Variants in NOVA2 observed in about 807,000 individuals in gnomAD.
The protein encoded by NOVA2 is NOVA alternative splicing regulator 2, also known as RNA-binding protein Nova-2.
NOVA2 carries 9 observed loss-of-function variants against 22.5 expected under a neutral mutation model. The ratio of observed to expected loss-of-function variants is 0.40; its 90% CI spans 0.24 to 0.70. The LOEUF is 0.70. Ranked by LOEUF, NOVA2 falls within the 30% of genes least tolerant of loss-of-function variation. The probability of loss-of-function intolerance (pLI) is 0.38; values close to 1 mark genes in which losing one functional copy is unlikely to be tolerated. For missense variants in NOVA2, 383 were observed against 682.8 expected, an observed-to-expected ratio of 0.56 and a Z score of 4.89; for synonymous variants, 318 against 335.2, an observed-to-expected ratio of 0.95 and a Z score of 0.56.
rs72490671 is a variant in NOVA2 at position 45,954,735 on chromosome 19, TGA to T, written c.230-791_230-790del. Among the ~76,000 whole-genome samples, 1,245 of 145,712 alleles carry T rather than the reference TGA, an allele frequency of 8.5e-3. 15 individuals carry two copies. The highest frequency in any genetic ancestry group is 0.031 in the African/African-American group (1,202 of 38,940). The stretch of plus-strand genomic sequence containing the variant: ...CCTGGGCATCCTTCTCATTTCTGCA[TGA>T]GAGTGTTAGGGAGTGGGGGCACGGG... On this transcript the variant is annotated intron_variant, in intron 2 of 3. Coordinates refer to ENST00000263257, the MANE Select transcript of NOVA2 (RefSeq NM_002516.4).
chr19:45,960,612 T>A (rs750710393), intron 2 of NOVA2, among the ~76,000 whole-genome samples: 1 of 141,490 alleles, frequency 7.1e-6, no homozygotes, highest in Non-Finnish European at 1.5e-5. Context: ...CAAGAGGGGG[T>A]GACAGAATTC....
intron 1 of NOVA2, among the ~76,000 whole-genome samples, chr19:45,961,405 C>T (rs989717239): frequency 3.3e-5 from 5 of 151,940 alleles, no homozygotes; most frequent in African/African-American, 4.8e-5. Flanking sequence ...CAAATAAGGC[C>T]GAAAGAGTTT....
rs1000348891 is a variant in NOVA2 at position 45,939,795 on chromosome 19, G to A, written c.*68C>T. ...ACACCAAGCTGAGGTCAGGAGTTGG[G>A]GGGGAGGAGGAGAGGGAAGAGGAGG... On this transcript the variant is annotated 3_prime_UTR_variant, in exon 4 of 4. Coordinates refer to ENST00000263257, the MANE Select transcript of NOVA2 (RefSeq NM_002516.4). 20 of 1,584,334 alleles carry A rather than the reference G, an allele frequency of 1.3e-5. 1 individual carries two copies. The highest frequency in any genetic ancestry group is 1.7e-4 in the Middle Eastern group (1 of 5,874).
In NOVA2 at chr19:45,934,695, T is replaced by A. The variant is rs1478365169; in HGVS notation, c.*5168A>T. On this transcript the variant is annotated 3_prime_UTR_variant, in exon 4 of 4. Transcript: ENST00000263257. ...CTATTTACAATGAAGGCGTGGGGAG[T>A]GTGTGGGGGGCACACGAAGGAGGGG... 6.6e-6 allele frequency: 1 copy of A among 151,672 alleles called. No homozygotes were observed. Among genetic ancestry groups the A allele is most frequent in the Non-Finnish European group, 1.5e-5 (1 of 67,968 alleles). The allele number at this position is 151,672 out of a possible 1,614,324, so 9.4% of individuals were successfully genotyped here.
At position 45,948,677 on chromosome 19, in the gene NOVA2, C is replaced by G. The variant is rs371848222; in HGVS notation, c.396+5103G>C. 4.6e-5 allele frequency among the ~76,000 whole-genome samples: 7 copies of G among 151,604 alleles called. No individual in the cohort carries two copies. In the East Asian group the frequency reaches 1.2e-3, roughly 25 times the overall value. ...GTCATTGTTATCCCCATGGATGGAGCTGGATTTAAATCCCACATCTGCGGT... is the reference window on the plus strand; with the variant it reads ...GTCATTGTTATCCCCATGGATGGAGGTGGATTTAAATCCCACATCTGCGGT... On this transcript the variant is annotated intron_variant, in intron 3 of 3. Coordinates refer to ENST00000263257, the MANE Select transcript of NOVA2 (RefSeq NM_002516.4).
At chr19:45,966,802 G>A (rs912545844) in intron 1 of NOVA2, among the ~76,000 whole-genome samples, 1 of 152,080 alleles carries the variant, frequency 6.6e-6, no homozygotes, top group East Asian at 1.9e-4. Flanking sequence ...GCTTGAACCC[G>A]GGAGGCGGAG....
chr19:45,939,669 C>G lies in NOVA2; in HGVS notation c.*194G>C. The stretch of plus-strand genomic sequence containing the variant: ...CAGTTCCGGGCTGGGGAGGGGGCTT[C>G]TGAGCCCCCTTCCCAACCGTCACTC... On this transcript the variant is annotated 3_prime_UTR_variant, in exon 4 of 4. Transcript: ENST00000263257. The G allele has an allele frequency of 1.5e-6, 1 of 680,592 alleles. No individual in the cohort carries two copies. Among genetic ancestry groups the G allele is most frequent in the Non-Finnish European group, 2.4e-6 (1 of 414,592 alleles). 42.2% of individuals were successfully genotyped at this position (680,592 alleles called of 1,614,324 possible). A position where few individuals can be genotyped will look rare whatever the true frequency, so the allele number is the denominator to read the frequency against.
intron 1 of NOVA2, among the ~76,000 whole-genome samples, chr19:45,966,226 A>G (rs961745203): frequency 3.3e-5 from 5 of 151,930 alleles, no homozygotes; most frequent in African/African-American, 1.2e-4. Context: ...ACCTTCTAGA[A>G]TTTTGCCCCT....
intron 1 of NOVA2, among the ~76,000 whole-genome samples, chr19:45,969,509 GAAAAAAAAA>G (rs397946088): frequency 3.2e-4 from 13 of 40,554 alleles, no homozygotes; most frequent in African/African-American, 4.9e-4. Context: ...CCCTGTCTCA[GAAAAAAAAA>G]AAAAAAAAAA....
At chr19:45,968,196 C>T (rs967813764) in intron 1 of NOVA2, among the ~76,000 whole-genome samples, 1 of 151,960 alleles carries the variant, frequency 6.6e-6, no homozygotes, top group East Asian at 1.9e-4. Context: ...GTCCTCATGG[C>T]ACCTCATGGT....
In NOVA2 at chr19:45,973,416, TGTG is replaced by T; in HGVS notation, c.-68_-66del. The T allele has an allele frequency of 3.2e-6, 1 of 315,696 alleles. No individual in the cohort carries two copies. Among genetic ancestry groups the T allele is most frequent in the Non-Finnish European group, 4.6e-6 (1 of 215,212 alleles). 19.6% of individuals were successfully genotyped at this position (315,696 alleles called of 1,614,324 possible). A position where few individuals can be genotyped will look rare whatever the true frequency, so the allele number is the denominator to read the frequency against. On this transcript the variant is annotated 5_prime_UTR_variant, in exon 1 of 4. Transcript: ENST00000263257. ...CTGCGGCGGCGGCGGCGGCGGCTGC[TGTG>T]GCGGCGGCGACGGCTGCTGGGGAGG... is the stretch of plus-strand genomic sequence containing the variant.
At position 45,953,845 on chromosome 19, in the gene NOVA2, T is replaced by C. The variant is rs769926644; in HGVS notation, c.331A>G (p.Thr111Ala). The change falls in exon 3 of 4, where the codon ACC becomes GCC. Residue 111 changes from threonine (T) to alanine (A), a missense_variant. Physicochemically the swap from Thr to Ala is moderately conservative, Grantham distance 58 (BLOSUM62 0). Coordinates refer to ENST00000263257, the MANE Select transcript of NOVA2 (RefSeq NM_002516.4). ...AGGATGTTGACCACCTCAGGCTTGG[T>C]CATCGCTTGTGGGATTTCTCGGACC... is the stretch of plus-strand genomic sequence containing the variant. ...EKVREIPQAM[T>A]KPEVVNILQP... 4 of 1,614,120 alleles carry C rather than the reference T, an allele frequency of 2.5e-6. No homozygotes were observed. The East Asian group carries it at 8.9e-5, about 36-fold the overall frequency.
At position 45,953,902 on chromosome 19, in the gene NOVA2, A is replaced by C; in HGVS notation, c.274T>G (p.Leu92Val). ...GCAATAAAGCTGTGCACAGCATTCA[A>C]GGCCTCTGCCGTGCCCTGTACTAGG... Reference protein sequence around the residue: ...VCLVQGTAEALNAVHSFIAEK... With the variant: ...VCLVQGTAEAVNAVHSFIAEK... Residue 92 changes from leucine to valine, a missense_variant, in exon 3 of 4, where the codon TTG (leucine) becomes GTG (valine). Leu to Val is a conservative substitution (Grantham distance 32, BLOSUM62 1). This residue lies in a region of NOVA2 where 349 missense variants were observed against 578.1 expected (regional missense o/e 0.60). Transcript: ENST00000263257. 2 of 1,614,132 alleles carry C rather than the reference A, an allele frequency of 1.2e-6. No individual in the cohort carries two copies. The highest frequency in any genetic ancestry group is 1.7e-6 in the Non-Finnish European group (2 of 1,180,014).
At chr19:45,959,407 G>A (rs1228208853) in intron 2 of NOVA2, among the ~76,000 whole-genome samples, 1 of 152,154 alleles carries the variant, frequency 6.6e-6, no homozygotes, top group Non-Finnish European at 1.5e-5. Flanking sequence ...TGTCTGTCCC[G>A]CCTTCTGGGT....
intron 1 of NOVA2, among the ~76,000 whole-genome samples, chr19:45,971,548 T>C (rs1399714948): frequency 6.6e-6 from 1 of 151,692 alleles, no homozygotes; most frequent in Non-Finnish European, 1.5e-5. Context: ...ATCCAGGGGG[T>C]CCCTGATTCC....
At chr19:45,941,028 G>T in intron 3 of NOVA2, 83 bp from the exon 4 acceptor site, 3 of 1,329,916 alleles carry the variant, frequency 2.3e-6, no homozygotes, top group Non-Finnish European at 3.0e-6. Flanking sequence ...GGTGGCTGTC[G>T]CCTGTAATCC....
chr19:45,960,259 T>A (rs560847845), intron 2 of NOVA2, among the ~76,000 whole-genome samples: 1 of 150,084 alleles, frequency 6.7e-6, no homozygotes, highest in African/African-American at 2.5e-5. Context: ...AGGGGGCTAG[T>A]AGATACTGGT....
chr19:45,943,882 AAG>A (rs1199341608), intron 3 of NOVA2, among the ~76,000 whole-genome samples: 1 of 152,176 alleles, frequency 6.6e-6, no homozygotes, highest in African/African-American at 2.4e-5. Flanking sequence ...GCATGGTTTT[AAG>A]AGCTACTGAA....
At chr19:45,963,531 TTC>T (rs1430207404) in intron 1 of NOVA2, among the ~76,000 whole-genome samples, 1 of 150,672 alleles carries the variant, frequency 6.6e-6, no homozygotes, top group Non-Finnish European at 1.5e-5. Flanking sequence ...CTCAGTCAGT[TTC>T]TTTTTTTTTT....
Sources: gnomAD v4.1 joint callset for allele counts (sites outside exome capture counted in the v4.1 genomes callset) on GRCh38, gnomAD v4.1.1 for gene constraint, gnomAD v4.1.1 regional missense constraint, MANE v1.5 for transcripts, NCBI Gene and HGNC (gene_info 2026-07-23, HGNC 2026-07-21) for gene names.